GABBR2: variants seen among roughly 807,000 people sequenced by gnomAD.
GABBR2 encodes G-protein coupled receptor 51.
GABBR2 carries 23 observed loss-of-function variants against 105.6 expected under a neutral mutation model. The observed-to-expected ratio is 0.22, with a 90% CI of 0.16 to 0.31. GABBR2 has a LOEUF of 0.31. GABBR2 is among the 10% of genes least tolerant of loss of function. The pLI is 1.00. For synonymous variants in GABBR2, 478 were observed against 499.7 expected (o/e 0.96, Z 0.58); for missense variants, 734 against 1,245.5 (o/e 0.59, Z 6.18).
chr9:98,320,649 TA>T (rs1232161694), intron 13 of GABBR2, among the ~76,000 whole-genome samples: 3 of 152,072 alleles, frequency 2.0e-5, no homozygotes, highest in Non-Finnish European at 4.4e-5. Flanking sequence ...TGTGCAGCCT[TA>T]AAAAATGATG....
chr9:98,325,113 A>T (rs1169991244), intron 13 of GABBR2, among the ~76,000 whole-genome samples: 2 of 151,928 alleles, frequency 1.3e-5, no homozygotes, highest in African/African-American at 2.4e-5. Context: ...ACCTCTGGTG[A>T]TGAGACACTC....
At chr9:98,529,408 C>T (rs1187651347) in intron 3 of GABBR2, among the ~76,000 whole-genome samples, 1 of 152,190 alleles carries the variant, frequency 6.6e-6, no homozygotes, top group Non-Finnish European at 1.5e-5. Context: ...AAACATTCTC[C>T]CTGCATTGCT....
At chr9:98,497,172 CG>C (rs1361172306) in intron 3 of GABBR2, among the ~76,000 whole-genome samples, 2 of 152,138 alleles carry the variant, frequency 1.3e-5, no homozygotes, top group Non-Finnish European at 2.9e-5. Flanking sequence ...GAGGCCAAGA[CG>C]GGGGGCTTGC....
intron 1 of GABBR2, among the ~76,000 whole-genome samples, chr9:98,661,634 C>T (rs1308257088): frequency 6.6e-6 from 1 of 152,206 alleles, no homozygotes; most frequent in Non-Finnish European, 1.5e-5. Flanking sequence ...CTCCTGACCT[C>T]AGGTGATCCA....
intron 1 of GABBR2, among the ~76,000 whole-genome samples, chr9:98,681,728 A>C: frequency 6.6e-6 from 1 of 151,132 alleles, no homozygotes; most frequent in Non-Finnish European, 1.5e-5. Context: ...TATGTCACCA[A>C]TTCCTCTTTT....
intron 16 of GABBR2, among the ~76,000 whole-genome samples, chr9:98,302,220 T>G: frequency 6.6e-6 from 1 of 152,364 alleles, no homozygotes; most frequent in South Asian, 2.1e-4. Context: ...TCAGTTTTTG[T>G]TGATGTGACT....
In GABBR2 at chr9:98,454,483, T is replaced by C. The variant is rs558222917; in HGVS notation, c.1000-266A>G. ...TGAGTGACAAGACTGAGATTTAAAC[T>C]GTCTTTTGGCAAGACTAGAGAGAGG... On this transcript the variant is annotated intron_variant, in intron 6 of 18. Coordinates refer to ENST00000259455, the MANE Select transcript of GABBR2 (RefSeq NM_005458.8). This position sits in a 1 kb window ranked among gnomAD's most constrained non-coding sequence, Gnocchi z 4.6. 6.6e-6 allele frequency among the ~76,000 whole-genome samples: 1 copy of C among 152,320 alleles called. No homozygotes were observed. The highest frequency in any genetic ancestry group is 1.9e-4 in the East Asian group (1 of 5,178).
intron 13 of GABBR2, among the ~76,000 whole-genome samples, chr9:98,351,710 G>T (rs903909691): frequency 6.6e-6 from 1 of 152,146 alleles, no homozygotes; most frequent in African/African-American, 2.4e-5. Context: ...TTCACATTCA[G>T]ATCTCAAATA....
rs146780630 is a variant in GABBR2 at position 98,647,638 on chromosome 9, G to A, written c.321+60779C>T. ...TCCCCCTGGATACTGAGTGCTGGATGTACCAGTTTTATGAATAGGCCACCT... is the reference window on the plus strand; with the variant it reads ...TCCCCCTGGATACTGAGTGCTGGATATACCAGTTTTATGAATAGGCCACCT... On this transcript the variant is annotated intron_variant, in intron 1 of 18. Transcript: ENST00000259455. 4.6e-5 allele frequency among the ~76,000 whole-genome samples: 7 copies of A among 152,334 alleles called. No homozygotes were observed. In the East Asian group the frequency reaches 1.3e-3, roughly 29 times the overall value.
chr9:98,344,874 C>T (rs936218911), intron 13 of GABBR2, among the ~76,000 whole-genome samples: 1 of 152,184 alleles, frequency 6.6e-6, no homozygotes, highest in African/African-American at 2.4e-5. Flanking sequence ...ACAAACTACT[C>T]TTTTGTCCAC....
intron 6 of GABBR2, among the ~76,000 whole-genome samples, chr9:98,460,840 C>T (rs997910252): frequency 6.6e-6 from 1 of 151,954 alleles, no homozygotes; most frequent in African/African-American, 2.4e-5. Flanking sequence ...GGAAAGTTCA[C>T]TTCAGCACAG....
At chr9:98,455,420 T>A (rs1826308491) in intron 6 of GABBR2, among the ~76,000 whole-genome samples, 1 of 151,986 alleles carries the variant, frequency 6.6e-6, no homozygotes, top group African/African-American at 2.4e-5. Flanking sequence ...TGGGGAAAAA[T>A]CACACACAGG....
intron 2 of GABBR2, among the ~76,000 whole-genome samples, chr9:98,547,395 T>C (rs1209008828): frequency 8.5e-6 from 1 of 117,508 alleles, no homozygotes; most frequent in African/African-American, 2.7e-5. Flanking sequence ...ATAATAAATA[T>C]AGCATATGTA....
intron 13 of GABBR2, among the ~76,000 whole-genome samples, chr9:98,339,116 G>T (rs1831165522): frequency 6.6e-6 from 1 of 152,096 alleles, no homozygotes; most frequent in Non-Finnish European, 1.5e-5. Context: ...CTAGGGACTG[G>T]AGGGAAGGGA....
chr9:98,643,538 C>G (rs1157257081), intron 1 of GABBR2, among the ~76,000 whole-genome samples: 2 of 152,202 alleles, frequency 1.3e-5, no homozygotes, highest in African/African-American at 4.8e-5. Flanking sequence ...TCTTTTCTTT[C>G]TATGTCTGTT....
At chr9:98,637,263 A>T (rs1188482499) in intron 1 of GABBR2, among the ~76,000 whole-genome samples, 1 of 152,190 alleles carries the variant, frequency 6.6e-6, no homozygotes, top group African/African-American at 2.4e-5. Flanking sequence ...GCATGCGAAA[A>T]GGGAGACACA....
intron 7 of GABBR2, among the ~76,000 whole-genome samples, chr9:98,445,713 C>T (rs1271967749): frequency 1.3e-5 from 2 of 152,226 alleles, no homozygotes; most frequent in African/African-American, 2.4e-5. Context: ...GTGTAATTCC[C>T]AGGCACCTCC....
chr9:98,423,958 T>G (rs1832829099), intron 7 of GABBR2, among the ~76,000 whole-genome samples: 1 of 152,100 alleles, frequency 6.6e-6, no homozygotes, highest in Non-Finnish European at 1.5e-5. Context: ...CTGTTCTATA[T>G]CTATATCTAT....
Position 98,473,102 on chromosome 9 carries a change from A to C in GABBR2, c.999+44T>G, listed in dbSNP as rs765496300. On this transcript the variant is annotated intron_variant, in intron 6 of 18. Coordinates refer to ENST00000259455, the MANE Select transcript of GABBR2 (RefSeq NM_005458.8). ...CCAATGTCATCAGACAAGATGATCA[A>C]AGGAGGTGGGCCAGAAGGTTGAAAT... is the stretch of plus-strand genomic sequence containing the variant. 4 of 1,417,118 alleles carry C rather than the reference A, an allele frequency of 2.8e-6. No homozygotes were observed. In the African/African-American group the frequency reaches 5.6e-5, roughly 20 times the overall value. 87.8% of individuals were successfully genotyped at this position (1,417,118 alleles called of 1,614,324 possible).
Sources: gnomAD v4.1 joint callset for allele counts (sites outside exome capture counted in the v4.1 genomes callset) on GRCh38, gnomAD v4.1.1 for gene constraint, Gnocchi (gnomAD v3.1) non-coding constraint, MANE v1.5 for transcripts, NCBI Gene and HGNC (gene_info 2026-07-23, HGNC 2026-07-21) for gene names.